The following LIN52 variants were observed in gnomAD, a reference collection of about 807,000 sequenced individuals.
The protein encoded by LIN52 is protein lin-52 homolog.
LIN52 carries 4 observed loss-of-function variants against 18.5 expected under a neutral mutation model. The ratio of observed to expected loss-of-function variants is 0.22; its 90% CI spans 0.11 to 0.49. LIN52 has a LOEUF of 0.49. Among genes scored for constraint, LIN52 ranks in the 20% least tolerant of loss-of-function variants. LIN52 has a pLI of 0.97. For synonymous variants in LIN52, 34 were observed against 45.5 expected (o/e 0.75, Z 1.02); for missense variants, 102 against 139.5 (o/e 0.73, Z 1.35).
chr14:74,085,289 C>T (rs1195271968), intron 1 of LIN52: 6 of 314,286 alleles, frequency 1.9e-5, no homozygotes, highest in Middle Eastern at 8.1e-4. Context: ...TCTATTTGGG[C>T]GAGGCTGAGG....
At chr14:74,114,863 G>C (rs188236836) in intron 5 of LIN52, among the ~76,000 whole-genome samples, 3 of 152,194 alleles carry the variant, frequency 2.0e-5, no homozygotes, top group Admixed American at 2.0e-4. Context: ...ATTTTCTTTG[G>C]CTGGTCATTA....
intron 5 of LIN52, among the ~76,000 whole-genome samples, chr14:74,163,492 G>A (rs1381267895): frequency 6.6e-6 from 1 of 152,158 alleles, no homozygotes; most frequent in Non-Finnish European, 1.5e-5. Flanking sequence ...GTAGGAGTGG[G>A]GGGGATGACA....
At chr14:74,147,490 A>G in intron 5 of LIN52, among the ~76,000 whole-genome samples, 1 of 152,198 alleles carries the variant, frequency 6.6e-6, no homozygotes, top group East Asian at 1.9e-4. Context: ...GACACCATTA[A>G]GAAAGTACTT....
chr14:74,129,452 G>C (rs1210678160), intron 5 of LIN52, among the ~76,000 whole-genome samples: 1 of 152,166 alleles, frequency 6.6e-6, no homozygotes. Flanking sequence ...GTCTACTCTT[G>C]TATAACAAGG....
intron 1 of LIN52, among the ~76,000 whole-genome samples, chr14:74,089,575 C>G (rs973224741): frequency 3.9e-5 from 6 of 152,030 alleles, no homozygotes; most frequent in African/African-American, 1.4e-4. Context: ...ACTATGTTGG[C>G]CAGGCTGGTC....
intron 5 of LIN52, among the ~76,000 whole-genome samples, chr14:74,162,693 C>A (rs902732360): frequency 6.6e-6 from 1 of 151,984 alleles, no homozygotes; most frequent in African/African-American, 2.4e-5. Flanking sequence ...TGCGCCCAGC[C>A]GAATTTTCTT....
intron 5 of LIN52, among the ~76,000 whole-genome samples, chr14:74,117,209 C>T (rs999453237): frequency 6.6e-6 from 1 of 152,118 alleles, no homozygotes; most frequent in Non-Finnish European, 1.5e-5. Context: ...GATGTGCTTG[C>T]ATAAGTAGGA....
At chr14:74,198,229 T>C (rs2078926935) in intron 5 of LIN52, among the ~76,000 whole-genome samples, 1 of 152,156 alleles carries the variant, frequency 6.6e-6, no homozygotes, top group Non-Finnish European at 1.5e-5. Flanking sequence ...TTTGGAGCCT[T>C]ATATGTAGGA....
At chr14:74,132,925 G>T (rs984692264) in intron 5 of LIN52, among the ~76,000 whole-genome samples, 1 of 151,996 alleles carries the variant, frequency 6.6e-6, no homozygotes, top group Non-Finnish European at 1.5e-5. Flanking sequence ...TGACATTTGG[G>T]TTCTGTGAAG....
intron 5 of LIN52, among the ~76,000 whole-genome samples, chr14:74,130,578 T>A: frequency 7.4e-6 from 1 of 134,716 alleles, no homozygotes; most frequent in East Asian, 2.3e-4. Context: ...ACACCTAGCC[T>A]AAATTGGCCA....
intron 5 of LIN52, among the ~76,000 whole-genome samples, chr14:74,171,243 C>T (rs1337081718): frequency 1.3e-5 from 2 of 151,626 alleles, no homozygotes; most frequent in African/African-American, 4.8e-5. Flanking sequence ...TGGTAGCATG[C>T]ACCTATAGAC....
chr14:74,142,496 A>C (rs1242968388), intron 5 of LIN52, among the ~76,000 whole-genome samples: 1 of 152,128 alleles, frequency 6.6e-6, no homozygotes, highest in African/African-American at 2.4e-5. Flanking sequence ...GGGCTATTGG[A>C]GATCTTGTAG....
chr14:74,165,212 G>A (rs1447452485), intron 5 of LIN52, among the ~76,000 whole-genome samples: 4 of 152,164 alleles, frequency 2.6e-5, no homozygotes, highest in Non-Finnish European at 5.9e-5. Context: ...GTATAACCCT[G>A]AGAAGATAGG....
chr14:74,175,540 A>T (rs1195200042), intron 5 of LIN52, among the ~76,000 whole-genome samples: 1 of 152,040 alleles, frequency 6.6e-6, no homozygotes, highest in African/African-American at 2.4e-5. Flanking sequence ...AAAAAAAAAA[A>T]ATAGAAATTA....
At chr14:74,153,058 T>C (rs975463886) in intron 5 of LIN52, among the ~76,000 whole-genome samples, 4 of 152,114 alleles carry the variant, frequency 2.6e-5, no homozygotes, top group African/African-American at 9.7e-5. Flanking sequence ...AAAAATTTAT[T>C]ATTATATTTC....
chr14:74,120,421 C>G (rs2060992346), intron 5 of LIN52, among the ~76,000 whole-genome samples: 1 of 151,742 alleles, frequency 6.6e-6, no homozygotes, highest in Non-Finnish European at 1.5e-5. Flanking sequence ...GAGTTCGAGA[C>G]CAGCCTGACC....
rs2060949071 is a variant in LIN52 at position 74,114,174 on chromosome 14, TAGTGTGTG to T, written c.283+12937_283+12944del. 9 of 814,624 alleles carry T rather than the reference TAGTGTGTG, an allele frequency of 1.1e-5. No individual in the cohort carries two copies. The South Asian group carries it at 5.2e-4, about 47-fold the overall frequency. The allele number at this position is 814,624 out of a possible 1,614,324, so 50.5% of individuals were successfully genotyped here. On this transcript the variant is annotated intron_variant, in intron 5 of 5. Coordinates refer to ENST00000555028, the MANE Select transcript of LIN52 (RefSeq NM_001024674.3). Reference sequence around the variant, plus strand: ...AATGCTTTTTTAATATAACTGAGATTAGTGTGTGTGTGTGTGTGTGTGTGTGTGTGTGT... The same window carrying T: ...AATGCTTTTTTAATATAACTGAGATTTGTGTGTGTGTGTGTGTGTGTGTGT...
intron 5 of LIN52, among the ~76,000 whole-genome samples, chr14:74,152,875 G>C (rs1162185209): frequency 6.7e-6 from 1 of 148,806 alleles, no homozygotes. Flanking sequence ...CAGGAGAATT[G>C]CTTGAACCTG....
chr14:74,087,413 C>CAAAAAA (rs59052804), intron 1 of LIN52, among the ~76,000 whole-genome samples: 1 of 100,236 alleles, frequency 1.0e-5, no homozygotes, highest in African/African-American at 3.8e-5. Flanking sequence ...GACTCCATTG[C>CAAAAAA]AAAAAAAAAA....
Sources: allele counts gnomAD v4.1 joint callset (sites outside exome capture counted in the v4.1 genomes callset), GRCh38; gene constraint gnomAD v4.1.1; transcripts MANE v1.5; gene names NCBI Gene and HGNC (gene_info 2026-07-23, HGNC 2026-07-21).